MAML3: variants seen among roughly 807,000 people sequenced by gnomAD.
MAML3 encodes mastermind like transcriptional coactivator 3.
In MAML3, 27 loss-of-function variants were observed where a neutral mutation model predicts 101.9. The ratio of observed to expected loss-of-function variants is 0.27; its 90% CI spans 0.20 to 0.37. The LOEUF is 0.37. Among genes scored for constraint, MAML3 ranks in the 10% least tolerant of loss-of-function variants. The pLI is 1.00. For synonymous variants in MAML3, 501 were observed against 555.9 expected (o/e 0.90, Z 1.39); for missense variants, 1,316 against 1,444.9 (o/e 0.91, Z 1.45).
At chr4:139,831,299 A>T (rs544134032) in intron 2 of MAML3, among the ~76,000 whole-genome samples, 2 of 152,352 alleles carry the variant, frequency 1.3e-5, no homozygotes, top group South Asian at 4.1e-4. Context: ...AATGATTTTT[A>T]AAAACCCAAA....
At chr4:140,025,570 C>T (rs1726808298) in intron 1 of MAML3, among the ~76,000 whole-genome samples, 1 of 152,128 alleles carries the variant, frequency 6.6e-6, no homozygotes, top group Non-Finnish European at 1.5e-5. Flanking sequence ...GTACACAGTT[C>T]ACTTCCCCTA....
chr4:140,018,943 T>TAAA (rs1560868175), intron 1 of MAML3, among the ~76,000 whole-genome samples: 1 of 151,798 alleles, frequency 6.6e-6, no homozygotes, highest in East Asian at 1.9e-4. Context: ...TACTTAAAAA[T>TAAA]AAATGAAGTC....
At chr4:139,850,794 T>C in intron 2 of MAML3, among the ~76,000 whole-genome samples, 1 of 152,190 alleles carries the variant, frequency 6.6e-6, no homozygotes, top group East Asian at 1.9e-4. Context: ...TTTACACACC[T>C]CAGCCTCCCA....
chr4:139,832,308 T>G (rs901779728), intron 2 of MAML3, among the ~76,000 whole-genome samples: 3 of 151,244 alleles, frequency 2.0e-5, no homozygotes, highest in Admixed American at 1.3e-4. Context: ...GACAGGGTTT[T>G]GCGATGTTGC....
intron 4 of MAML3, among the ~76,000 whole-genome samples, chr4:139,720,700 G>A (rs1342470899): frequency 6.6e-6 from 1 of 152,202 alleles, no homozygotes; most frequent in Non-Finnish European, 1.5e-5. Flanking sequence ...TACTTCAGAA[G>A]CAAATTATTT....
chr4:139,759,816 G>C (rs1729718496), intron 2 of MAML3, among the ~76,000 whole-genome samples: 1 of 152,214 alleles, frequency 6.6e-6, no homozygotes, highest in African/African-American at 2.4e-5. Context: ...GAACCATGAA[G>C]AGAAGCAAGG....
At chr4:140,042,301 C>G (rs954212176) in intron 1 of MAML3, among the ~76,000 whole-genome samples, 5 of 152,170 alleles carry the variant, frequency 3.3e-5, no homozygotes, top group Admixed American at 1.3e-4. Context: ...ATGAACAAAC[C>G]ATGGCTTAAC....
intron 1 of MAML3, among the ~76,000 whole-genome samples, chr4:139,908,308 T>A (rs188793612): frequency 1.3e-5 from 2 of 152,358 alleles, no homozygotes; most frequent in African/African-American, 4.8e-5. Context: ...AGTAAGTTTG[T>A]CTATCACTAT....
At chr4:139,810,567 C>T (rs1308093390) in intron 2 of MAML3, among the ~76,000 whole-genome samples, 2 of 152,058 alleles carry the variant, frequency 1.3e-5, no homozygotes, top group African/African-American at 4.8e-5. Flanking sequence ...GAAATCAGAG[C>T]ACAGAGGGAT....
intron 1 of MAML3, among the ~76,000 whole-genome samples, chr4:140,103,169 T>C (rs543568519): frequency 6.6e-6 from 1 of 152,270 alleles, no homozygotes; most frequent in South Asian, 2.1e-4. Flanking sequence ...CAAGATAATA[T>C]ACAATTTAAT....
intron 2 of MAML3, among the ~76,000 whole-genome samples, chr4:139,775,692 G>A (rs1730080996): frequency 6.6e-6 from 1 of 152,084 alleles, no homozygotes; most frequent in South Asian, 2.1e-4. Context: ...TATTTTCCAA[G>A]GCATCCTTGT....
chr4:139,915,779 G>T (rs910451570), intron 1 of MAML3, among the ~76,000 whole-genome samples: 2 of 152,036 alleles, frequency 1.3e-5, no homozygotes, highest in Non-Finnish European at 2.9e-5. Context: ...TGACCTCCTC[G>T]TTATCTTAAG....
intron 1 of MAML3, among the ~76,000 whole-genome samples, chr4:140,002,132 T>A (rs1280959339): frequency 6.6e-6 from 1 of 152,202 alleles, no homozygotes; most frequent in Non-Finnish European, 1.5e-5. Context: ...AGTCACCACG[T>A]TGTATAATAG....
intron 1 of MAML3, among the ~76,000 whole-genome samples, chr4:140,071,788 A>AGAGAGAGAGAGAG (rs1560884538): frequency 4.5e-4 from 68 of 149,640 alleles, no homozygotes; most frequent in South Asian, 2.5e-3. Flanking sequence ...AGAGAGAGAG[A>AGAGAGAGAGAGAG]AGGCACGCAT....
chr4:140,128,565 A>G (rs1728722830), intron 1 of MAML3, among the ~76,000 whole-genome samples: 1 of 152,172 alleles, frequency 6.6e-6, no homozygotes, highest in Non-Finnish European at 1.5e-5. Context: ...TATCCTTCTA[A>G]CACCAAGGAC....
At chr4:139,881,328 G>A (rs927260925) in intron 2 of MAML3, among the ~76,000 whole-genome samples, 3 of 152,128 alleles carry the variant, frequency 2.0e-5, no homozygotes, top group Non-Finnish European at 4.4e-5. Context: ...AGTCTACATA[G>A]AACTTAGTAA....
intron 1 of MAML3, among the ~76,000 whole-genome samples, chr4:139,936,479 A>G (rs549908145): frequency 1.7e-4 from 26 of 152,318 alleles, no homozygotes; most frequent in African/African-American, 5.8e-4. Context: ...ACTGTTCTTC[A>G]TAATAGCTGT....
Position 139,889,431 on chromosome 4 carries a change from G to A in MAML3, c.2005C>T (p.Arg669Cys), listed in dbSNP as rs775064143. Residue 669 changes from arginine (R) to cysteine (C), a missense_variant, in exon 2 of 5, where the codon CGC becomes TGC. Arg to Cys is a radical substitution (Grantham distance 180, BLOSUM62 -3). Transcript: ENST00000509479. ...PRAHLSEDQK[R>C]LLLMKQKGVM... ...CCTTTCTGCTTCATGAGAAGCAGGC[G>A]TTTCTGGTCTTCGCTCAGGTGTGCC... The A allele has an allele frequency of 2.0e-5, 32 of 1,613,950 alleles. No individual in the cohort carries two copies. The highest frequency in any genetic ancestry group is 1.5e-4 in the Admixed American group (9 of 60,008).
At chr4:139,870,556 C>T (rs1238891822) in intron 2 of MAML3, among the ~76,000 whole-genome samples, 1 of 152,176 alleles carries the variant, frequency 6.6e-6, no homozygotes, top group Non-Finnish European at 1.5e-5. Flanking sequence ...CAATAAATCC[C>T]ATAACTATCA....
Sources: gnomAD v4.1 joint callset for allele counts (sites outside exome capture counted in the v4.1 genomes callset) on GRCh38, gnomAD v4.1.1 for gene constraint, MANE v1.5 for transcripts, NCBI Gene and HGNC (gene_info 2026-07-23, HGNC 2026-07-21) for gene names.